Variants in SLC9A9 observed in about 807,000 individuals in gnomAD.
The protein encoded by SLC9A9 is solute carrier family 9 member A9.
In SLC9A9, 62 loss-of-function variants were observed where a neutral mutation model predicts 77.8. The observed-to-expected ratio is 0.80, with a 90% confidence interval of 0.65 to 0.98. The LOEUF is 0.98. Ranked by LOEUF, SLC9A9 falls within the 50% of genes least tolerant of loss-of-function variation. The probability of loss-of-function intolerance (pLI) is 0.00; values close to 1 mark genes in which losing one functional copy is unlikely to be tolerated. For missense variants in SLC9A9, 775 were observed against 774.9 expected, an observed-to-expected ratio of 1.00 and a Z score of 0.00; for synonymous variants, 320 against 283.5, an observed-to-expected ratio of 1.13 and a Z score of -1.29.
At chr3:143,817,055 T>G (rs2009035117) in intron 2 of SLC9A9, among the ~76,000 whole-genome samples, 1 of 152,164 alleles carries the variant, frequency 6.6e-6, no homozygotes, top group Admixed American at 6.5e-5. Flanking sequence ...AATACTTTCT[T>G]CTATTCTCAT....
At chr3:143,543,774 C>CTTTTTTTTTTTTTTTTTTTTTTTTTTTTT (rs2036735442) in intron 9 of SLC9A9, among the ~76,000 whole-genome samples, 1 of 151,942 alleles carries the variant, frequency 6.6e-6, no homozygotes, top group Non-Finnish European at 1.5e-5. Context: ...ACCACATTTT[C>CTTTTTTTTTTTTTTTTTTTTTTTTTTTTT]TTTATCCAGT....
chr3:143,758,750 G>A (rs2007013517), intron 4 of SLC9A9, among the ~76,000 whole-genome samples: 2 of 152,042 alleles, frequency 1.3e-5, no homozygotes, highest in African/African-American at 4.8e-5. Flanking sequence ...CAGGGCTGAG[G>A]GGAACGTGAG....
At chr3:143,340,557 G>A (rs1377484679) in intron 14 of SLC9A9, among the ~76,000 whole-genome samples, 1 of 152,170 alleles carries the variant, frequency 6.6e-6, no homozygotes, top group African/African-American at 2.4e-5. Context: ...GCTAGTGGAG[G>A]CTTTGAAGAG....
chr3:143,461,617 T>A (rs1166051353), intron 12 of SLC9A9, among the ~76,000 whole-genome samples: 1 of 152,146 alleles, frequency 6.6e-6, no homozygotes, highest in Non-Finnish European at 1.5e-5. Flanking sequence ...AGACATTAAA[T>A]TTATTGCTCA....
chr3:143,311,169 T>C (rs1475709122), intron 14 of SLC9A9, among the ~76,000 whole-genome samples: 1 of 152,244 alleles, frequency 6.6e-6, no homozygotes, highest in African/African-American at 2.4e-5. Context: ...CCTTGCTCAA[T>C]GGCTCTTGAC....
At chr3:143,579,249 G>T (rs2037414903) in intron 6 of SLC9A9, among the ~76,000 whole-genome samples, 1 of 152,126 alleles carries the variant, frequency 6.6e-6, no homozygotes, top group South Asian at 2.1e-4. Context: ...GAGCACTGAT[G>T]GTGCTCAGAA....
intron 9 of SLC9A9, among the ~76,000 whole-genome samples, chr3:143,512,757 G>T (rs9859560): frequency 0.28 from 42,235 of 151,938 alleles, 6,541 homozygotes; most frequent in Non-Finnish European, 0.36. Context: ...GTGCCTGTAA[G>T]TCCAGCTACT....
intron 14 of SLC9A9, among the ~76,000 whole-genome samples, chr3:143,334,872 A>G (rs1247950989): frequency 6.6e-6 from 1 of 152,190 alleles, no homozygotes; most frequent in African/African-American, 2.4e-5. Context: ...TCATGTTTAA[A>G]GTAACACATT....
At position 143,295,864 on chromosome 3, in the gene SLC9A9, C is replaced by T. The variant is rs1464108289; in HGVS notation, c.1605-26884G>A. 2.5e-5 allele frequency among the ~76,000 whole-genome samples: 3 copies of T among 121,366 alleles called. No homozygotes were observed. The East Asian group carries it at 7.0e-4, about 28-fold the overall frequency. The allele number at this position is 121,366 out of a possible 152,430, so 79.6% of individuals were successfully genotyped here. ...AAGTGAGCAGAAGTATGCAAAGTCT[C>T]CTGCTCTCCCCTTAACAGCCTTTCA... On this transcript the variant is annotated intron_variant, in intron 14 of 15. Transcript: ENST00000316549.
At chr3:143,364,945 C>G (rs887977065) in intron 13 of SLC9A9, among the ~76,000 whole-genome samples, 2 of 152,142 alleles carry the variant, frequency 1.3e-5, no homozygotes, top group Non-Finnish European at 2.9e-5. Flanking sequence ...ATGGGGTCTA[C>G]AGTGTTAAAT....
chr3:143,265,941 C>A lies in SLC9A9; in HGVS notation c.*761G>T. Reference sequence around the variant, plus strand: ...GAAGTGACTCACATGCAGGCAAGGACGGGAAGGCTTGTTCTTCAGGCACAA... The same window carrying A: ...GAAGTGACTCACATGCAGGCAAGGAAGGGAAGGCTTGTTCTTCAGGCACAA... On this transcript the variant is annotated 3_prime_UTR_variant, in exon 16 of 16. Coordinates refer to ENST00000316549, the MANE Select transcript of SLC9A9 (RefSeq NM_173653.4). The A allele has an allele frequency of 3.1e-6, 2 of 649,840 alleles. No individual in the cohort carries two copies. The highest frequency in any genetic ancestry group is 3.4e-5 in the South Asian group (2 of 57,996). 40.3% of individuals were successfully genotyped at this position (649,840 alleles called of 1,614,324 possible).
intron 11 of SLC9A9, among the ~76,000 whole-genome samples, chr3:143,490,399 G>A (rs914110869): frequency 1.6e-5 from 2 of 124,572 alleles, no homozygotes; most frequent in African/African-American, 5.1e-5. Context: ...AGGATGTCAT[G>A]CTAAGTGAAA....
At chr3:143,600,677 T>C (rs1330828259) in intron 6 of SLC9A9, among the ~76,000 whole-genome samples, 1 of 152,224 alleles carries the variant, frequency 6.6e-6, no homozygotes, top group Non-Finnish European at 1.5e-5. Context: ...AAAATGTCTA[T>C]GTTGGTCAGC....
chr3:143,508,603 T>C (rs1418019256), intron 9 of SLC9A9, among the ~76,000 whole-genome samples: 1 of 152,240 alleles, frequency 6.6e-6, no homozygotes, highest in African/African-American at 2.4e-5. Flanking sequence ...AAAAACTTTC[T>C]GAATTCGGTA....
chr3:143,708,131 G>A (rs1934038177), intron 4 of SLC9A9, among the ~76,000 whole-genome samples: 1 of 152,102 alleles, frequency 6.6e-6, no homozygotes, highest in South Asian at 2.1e-4. Flanking sequence ...TTGACATGCA[G>A]TGGGAGGTAG....
chr3:143,357,845 C>A (rs1041573159), intron 14 of SLC9A9, among the ~76,000 whole-genome samples: 7 of 152,020 alleles, frequency 4.6e-5, no homozygotes, highest in Non-Finnish European at 7.4e-5. Context: ...AGCGAACTAC[C>A]CCAATAAATG....
chr3:143,508,039 C>A (rs1268545131), intron 9 of SLC9A9, among the ~76,000 whole-genome samples: 1 of 152,138 alleles, frequency 6.6e-6, no homozygotes, highest in Admixed American at 6.5e-5. Flanking sequence ...ATGGGGGATA[C>A]AAACATGCAG....
intron 9 of SLC9A9, among the ~76,000 whole-genome samples, chr3:143,501,577 T>C (rs2035923696): frequency 6.6e-6 from 1 of 150,942 alleles, no homozygotes; most frequent in African/African-American, 2.5e-5. Context: ...GGTGCCCTTT[T>C]CCCCATATTC....
intron 14 of SLC9A9, among the ~76,000 whole-genome samples, chr3:143,350,588 T>A (rs1199666929): frequency 6.6e-6 from 1 of 152,220 alleles, no homozygotes; most frequent in East Asian, 1.9e-4. Context: ...CTTTGCTTTG[T>A]CTGGAAAAAG....
Sources: allele counts gnomAD v4.1 joint callset (sites outside exome capture counted in the v4.1 genomes callset), GRCh38; gene constraint gnomAD v4.1.1; transcripts MANE v1.5; gene names NCBI Gene and HGNC (gene_info 2026-07-23, HGNC 2026-07-21).